PANK1: variants seen among roughly 807,000 people sequenced by gnomAD.
PANK1 encodes pantothenate kinase 1.
In PANK1, 18 loss-of-function variants were observed where a neutral mutation model predicts 40.1. The observed-to-expected ratio is 0.45, with a 90% CI of 0.31 to 0.67. PANK1 has a LOEUF of 0.67. PANK1 is among the 30% of genes least tolerant of loss of function. The pLI is 0.06. For synonymous variants in PANK1, 242 were observed against 237.7 expected (o/e 1.02, Z -0.17); for missense variants, 457 against 599.6 (o/e 0.76, Z 2.48).
rs3824603 is a variant in PANK1, at chr10:89,583,850, G to A, written c.*556C>T. Reference sequence around the variant, plus strand: ...ATCTGAGGACAGAAACAGAGGGAACGACTCTTTTTTCAGAAGACAACTAAA... The same window carrying A: ...ATCTGAGGACAGAAACAGAGGGAACAACTCTTTTTTCAGAAGACAACTAAA... On this transcript the variant is annotated 3_prime_UTR_variant, in exon 7 of 7. Transcript: ENST00000307534. The A allele has an allele frequency of 0.24, 37,020 of 152,376 alleles. 4,924 individuals are homozygous for A. The highest frequency in any genetic ancestry group is 0.46 in the East Asian group (2,395 of 5,172). The allele number at this position is 152,376 out of a possible 1,614,324, so 9.4% of individuals were successfully genotyped here. A position where few individuals can be genotyped will look rare whatever the true frequency, so the allele number is the denominator to read the frequency against.
Position 89,584,499 on chromosome 10 carries a change from C to A in PANK1, c.1327-34G>T, listed in dbSNP as rs536218353. ...ACAATACAAAACGATGATCTCTGAA[C>A]CTTAGCCAAATATGTATTGTTTTTA... On this transcript the variant is annotated intron_variant, in intron 6 of 6. Coordinates refer to ENST00000307534, the MANE Select transcript of PANK1 (RefSeq NM_148977.3). The A allele has an allele frequency of 4.9e-5, 70 of 1,415,550 alleles. No homozygotes were observed. In the South Asian group the frequency reaches 7.8e-4, roughly 16 times the overall value. The allele number at this position is 1,415,550 out of a possible 1,614,324, so 87.7% of individuals were successfully genotyped here. A position where few individuals can be genotyped will look rare whatever the true frequency, so the allele number is the denominator to read the frequency against.
chr10:89,586,390 T>C (rs528117663), intron 6 of PANK1, among the ~76,000 whole-genome samples: 32 of 152,310 alleles, frequency 2.1e-4, no homozygotes, highest in African/African-American at 7.7e-4. Flanking sequence ...AATCAGGTAT[T>C]CTGGCTGTGG....
chr10:89,635,143 TAGAGAG>T (rs371552592), intron 1 of PANK1, among the ~76,000 whole-genome samples: 1 of 150,968 alleles, frequency 6.6e-6, no homozygotes, highest in Non-Finnish European at 1.5e-5. Context: ...TATATATATA[TAGAGAG>T]AGAGAGAGAT....
chr10:89,588,845 TTCTGTATGTC>T, intron 5 of PANK1, 68 bp from the exon 6 acceptor site: 2 of 1,168,156 alleles, frequency 1.7e-6, no homozygotes, highest in Non-Finnish European at 2.4e-6. Flanking sequence ...AGACCCAATG[TTCTGTATGTC>T]TCTGTACAGA....
chr10:89,594,067 T>C (rs1320065087), intron 3 of PANK1, 78 bp from the exon 4 acceptor site: 9 of 968,408 alleles, frequency 9.3e-6, no homozygotes, highest in Non-Finnish European at 1.5e-5. Flanking sequence ...GTCAAGACTA[T>C]TAATATGGGT....
Position 89,629,987 on chromosome 10 carries a change from T to C in PANK1, c.292+14613A>G, listed in dbSNP as rs192402716. Among the ~76,000 whole-genome samples the C allele has an allele frequency of 2.0e-5, 3 of 152,344 alleles. No individual in the cohort carries two copies. The East Asian group carries it at 5.8e-4, about 29-fold the overall frequency. On this transcript the variant is annotated intron_variant, in intron 1 of 6. Coordinates refer to ENST00000307534, the MANE Select transcript of PANK1 (RefSeq NM_148977.3). The stretch of plus-strand genomic sequence containing the variant: ...AAAAACATCCAAACCTTTTGATTAG[T>C]GCTAAAACTCTAAGACAGCATTACC...
At chr10:89,612,331 T>A (rs1564628100) in intron 1 of PANK1, among the ~76,000 whole-genome samples, 1 of 152,214 alleles carries the variant, frequency 6.6e-6, no homozygotes, top group Non-Finnish European at 1.5e-5. Context: ...TCTCAATTCC[T>A]GTGTGCTTCC....
At position 89,605,844 on chromosome 10, in the gene PANK1, T is replaced by TA. The variant is rs946807663; in HGVS notation, c.645+5851dup. Among the ~76,000 whole-genome samples, 54 of 147,606 alleles carry TA rather than the reference T, an allele frequency of 3.7e-4. 1 individual carries two copies. The highest frequency in any genetic ancestry group is 2.2e-3 in the East Asian group (11 of 5,106). On this transcript the variant is annotated intron_variant, in intron 2 of 6. Transcript: ENST00000307534. ...CTATGGCCTATGAAAAGTATTTCTT[T>TA]AAAAAAAAAAAGTATTCCTTAAATA...
At chr10:89,592,594 T>A (rs1844430991) in intron 5 of PANK1, among the ~76,000 whole-genome samples, 1 of 152,180 alleles carries the variant, frequency 6.6e-6, no homozygotes, top group African/African-American at 2.4e-5. Flanking sequence ...GTGTGAAGAG[T>A]TCTACTTTAT....
chr10:89,588,604 C>T (rs752161678), intron 6 of PANK1, 48 bp downstream of exon 6: 78 of 1,464,308 alleles, frequency 5.3e-5, no homozygotes, highest in Admixed American at 1.3e-4. Flanking sequence ...TTAGCCAAAC[C>T]AAAATATACT....
Position 89,593,288 on chromosome 10 carries a change from T to C in PANK1, c.1109A>G (p.Asp370Gly), listed in dbSNP as rs922573446. ...FGNMMSKEKR[D>G]SISKEDLARA... ...GGCGAGGTCTTCCTTGCTGATGGAATCTCGCTTTTCTTTACTCATCATGTT... is the reference window on the plus strand; with the variant it reads ...GGCGAGGTCTTCCTTGCTGATGGAACCTCGCTTTTCTTTACTCATCATGTT... Residue 370 changes from aspartate (D) to glycine (G), a missense_variant, in exon 5 of 7, where the codon GAT becomes GGT. Asp to Gly is a moderately conservative substitution (Grantham distance 94). This residue lies in a region of PANK1 where 286 missense variants were observed against 415.8 expected (regional missense o/e 0.69). Transcript: ENST00000307534. 4 of 1,613,810 alleles carry C rather than the reference T, an allele frequency of 2.5e-6. No homozygotes were observed. The highest frequency in any genetic ancestry group is 3.4e-6 in the Non-Finnish European group (4 of 1,179,780).
chr10:89,645,045 CCCT>C lies in PANK1; in HGVS notation c.-157_-155del. ...GGGGATGGCGAACCCGGCGCTCCTC[CCCT>C]CCTCCTGCCGACTCCCCCACCTCCT... On this transcript the variant is annotated 5_prime_UTR_variant, in exon 1 of 7. Coordinates refer to ENST00000307534, the MANE Select transcript of PANK1 (RefSeq NM_148977.3). 6.4e-7 allele frequency: 1 copy of C among 1,563,764 alleles called. No homozygotes were observed. Among genetic ancestry groups the C allele is most frequent in the Non-Finnish European group, 8.6e-7 (1 of 1,159,408 alleles).
rs780605836 is a variant in PANK1, at chr10:89,644,688, C to T, written c.204G>A (p.Gln68=). ...CATGCTGAGGGAGCAGTGGCTGCGGCTGCAGCTCCGGCAGGAGCGGGAGGC... is the reference window on the plus strand; with the variant it reads ...CATGCTGAGGGAGCAGTGGCTGCGGTTGCAGCTCCGGCAGGAGCGGGAGGC... ...PQRLPLLPEL[Q]PQPLLPQHDS... Residue 68 remains glutamine (Q), a synonymous_variant, in exon 1 of 7, where the codon CAG becomes CAA. Coordinates refer to ENST00000307534, the MANE Select transcript of PANK1 (RefSeq NM_148977.3). 1.9e-6 allele frequency: 3 copies of T among 1,554,560 alleles called. No individual in the cohort carries two copies. The highest frequency in any genetic ancestry group is 1.4e-5 in the African/African-American group (1 of 71,616).
In PANK1 at chr10:89,622,400, A is replaced by T. The variant is rs546641131; in HGVS notation, c.293-10352T>A. 2.6e-5 allele frequency among the ~76,000 whole-genome samples: 4 copies of T among 152,312 alleles called. No homozygotes were observed. In the East Asian group the frequency reaches 7.7e-4, roughly 29 times the overall value. The stretch of plus-strand genomic sequence containing the variant: ...TACAAGCTCATATGCTACCACTGGG[A>T]ATGTAAACTGGTATAATCTTTCTAT... On this transcript the variant is annotated intron_variant, in intron 1 of 6. Transcript: ENST00000307534.
At chr10:89,616,008 C>G (rs1449038882) in intron 1 of PANK1, among the ~76,000 whole-genome samples, 1 of 152,162 alleles carries the variant, frequency 6.6e-6, no homozygotes, top group Non-Finnish European at 1.5e-5. Context: ...CTGTGTTTGC[C>G]AAGAGGAGTG....
At position 89,627,342 on chromosome 10, in the gene PANK1, G is replaced by T. The variant is rs1845686947; in HGVS notation, c.293-15294C>A. Among the ~76,000 whole-genome samples the T allele has an allele frequency of 2.6e-5, 4 of 152,130 alleles. No homozygotes were observed. In the South Asian group the frequency reaches 8.3e-4, roughly 32 times the overall value. The stretch of plus-strand genomic sequence containing the variant: ...AAGTGATGTGTAGGTATTGTATTAG[G>T]TATTAAATCATCTAGAGATGATTTA... On this transcript the variant is annotated intron_variant, in intron 1 of 6. Coordinates refer to ENST00000307534, the MANE Select transcript of PANK1 (RefSeq NM_148977.3).
chr10:89,593,303 C>T lies in PANK1; in HGVS notation c.1094G>A (p.Ser365Asn). The T allele has an allele frequency of 6.2e-7, 1 of 1,613,726 alleles. No homozygotes were observed. Among genetic ancestry groups the T allele is most frequent in the Non-Finnish European group, 8.5e-7 (1 of 1,179,772 alleles). ...AVASSFGNMMSKEKRDSISKE... is the reference protein window; with the variant it reads ...AVASSFGNMMNKEKRDSISKE... ...GCTGATGGAATCTCGCTTTTCTTTA[C>T]TCATCATGTTGCCAAAGCTATGTTG... Residue 365 changes from serine (S) to asparagine (N), a missense_variant, in exon 5 of 7, where the codon AGT (serine) becomes AAT (asparagine). This residue lies in a region of PANK1 where 286 missense variants were observed against 415.8 expected (regional missense o/e 0.69). Coordinates refer to ENST00000307534, the MANE Select transcript of PANK1 (RefSeq NM_148977.3).
chr10:89,598,958 C>T (rs1162046518), intron 3 of PANK1, among the ~76,000 whole-genome samples: 1 of 152,174 alleles, frequency 6.6e-6, no homozygotes, highest in Non-Finnish European at 1.5e-5. Context: ...ATTCTACTGA[C>T]CCTGCCAATC....
At position 89,611,706 on chromosome 10, in the gene PANK1, T is replaced by A. The variant is rs779432760; in HGVS notation, c.635A>T (p.Asp212Val). 3 of 1,606,936 alleles carry A rather than the reference T, an allele frequency of 1.9e-6. No individual in the cohort carries two copies. The highest frequency in any genetic ancestry group is 1.1e-5 in the South Asian group (1 of 90,326). Residue 212 changes from aspartate (D) to valine (V), a missense_variant, in exon 2 of 7, where the codon GAC (aspartate) becomes GTC (valine). Physicochemically the swap from Asp to Val is radical, Grantham distance 152. Around this residue, in one of 4 missense-constraint regions of PANK1, gnomAD observed 286 missense variants for 415.8 expected, o/e 0.69. Coordinates refer to ENST00000307534, the MANE Select transcript of PANK1 (RefSeq NM_148977.3). ...TGGGAFKFEEDFRMIADLQLH... is the reference protein window; with the variant it reads ...TGGGAFKFEEVFRMIADLQLH... ...ACAAACCCGACCTACCATTCTGAAG[T>A]CCTCTTCGAATTTGAAAGCCCCGCC... is the stretch of plus-strand genomic sequence containing the variant.
Sources: allele counts gnomAD v4.1 joint callset (sites outside exome capture counted in the v4.1 genomes callset), GRCh38; gene constraint gnomAD v4.1.1; regional missense constraint gnomAD v4.1.1; transcripts MANE v1.5; gene names NCBI Gene and HGNC (gene_info 2026-07-23, HGNC 2026-07-21).